Variants in MINDY2 observed in about 807,000 individuals in gnomAD.
MINDY2 encodes the protein MINDY lysine 48 deubiquitinase 2, also known as ubiquitin carboxyl-terminal hydrolase MINDY-2.
A neutral mutation model predicts 68.2 loss-of-function variants in MINDY2; 52 were observed. The ratio of observed to expected loss-of-function variants is 0.76; its 90% CI spans 0.61 to 0.96. The LOEUF (loss-of-function observed/expected upper bound fraction) is 0.96, where lower values mean the gene tolerates loss of function less well. Among genes scored for constraint, MINDY2 ranks in the 40% least tolerant of loss-of-function variants. MINDY2 has a pLI of 0.00. For missense variants in MINDY2, 881 were observed against 773.4 expected (o/e 1.14, Z -1.65); for synonymous variants, 372 against 303.0 (o/e 1.23, Z -2.36).
At chr15:58,805,268 G>A (rs1902939556) in intron 3 of MINDY2, among the ~76,000 whole-genome samples, 1 of 152,186 alleles carries the variant, frequency 6.6e-6, no homozygotes, top group Admixed American at 6.5e-5. Context: ...CTAAGCTAAT[G>A]TGTAATGTTC....
At chr15:58,803,239 G>GATGGGTCACTTGA (rs1902786046) in intron 3 of MINDY2, among the ~76,000 whole-genome samples, 1 of 151,868 alleles carries the variant, frequency 6.6e-6, no homozygotes, top group African/African-American at 2.4e-5. Context: ...GGCCGAGGTG[G>GATGGGTCACTTGA]GCAGATCACG....
At position 58,861,193 on chromosome 15, in the gene MINDY2, A is replaced by G. The variant is rs1165672458; in HGVS notation, c.*6583A>G. Reference sequence around the variant, plus strand: ...AAGTGGAATGGTATAATGACTACAGAGAAAATTATCTTGAAATATAGCAAG... The same window carrying G: ...AAGTGGAATGGTATAATGACTACAGGGAAAATTATCTTGAAATATAGCAAG... On this transcript the variant is annotated 3_prime_UTR_variant, in exon 9 of 9. Coordinates refer to ENST00000559228, the MANE Select transcript of MINDY2 (RefSeq NM_001040450.3). The G allele has an allele frequency of 6.6e-6, 1 of 152,224 alleles. No individual in the cohort carries two copies. Among genetic ancestry groups the G allele is most frequent in the Non-Finnish European group, 1.5e-5 (1 of 68,044 alleles). The allele number at this position is 152,224 out of a possible 1,614,324, so 9.4% of individuals were successfully genotyped here.
chr15:58,823,172 T>C (rs1254331470), intron 5 of MINDY2, among the ~76,000 whole-genome samples: 6 of 151,062 alleles, frequency 4.0e-5, no homozygotes, highest in African/African-American at 1.5e-4. Flanking sequence ...AGTTTCACTC[T>C]TGTTGCCCAG....
chr15:58,805,419 A>T (rs1183678931), intron 3 of MINDY2, among the ~76,000 whole-genome samples: 1 of 152,210 alleles, frequency 6.6e-6, no homozygotes, highest in African/African-American at 2.4e-5. Flanking sequence ...GTAAGCAAAG[A>T]GCCTATTTTT....
At chr15:58,840,823 ATTT>A (rs35724367) in intron 6 of MINDY2, among the ~76,000 whole-genome samples, 2 of 124,774 alleles carry the variant, frequency 1.6e-5, no homozygotes, top group Non-Finnish European at 1.7e-5. Context: ...TGCCCAGCTA[ATTT>A]TTTTTTTTTT....
chr15:58,772,792 T>C (rs1349361525), intron 1 of MINDY2, among the ~76,000 whole-genome samples: 1 of 152,190 alleles, frequency 6.6e-6, no homozygotes, highest in Non-Finnish European at 1.5e-5. Flanking sequence ...CCGTAACTTC[T>C]TGGTTTTCAA....
chr15:58,803,574 TG>T (rs1268448088), intron 3 of MINDY2, among the ~76,000 whole-genome samples: 1 of 152,052 alleles, frequency 6.6e-6, no homozygotes, highest in African/African-American at 2.4e-5. Flanking sequence ...CCCAGCACTT[TG>T]GGAGGCCAAG....
intron 1 of MINDY2, among the ~76,000 whole-genome samples, chr15:58,779,549 T>C (rs529631700): frequency 2.0e-5 from 3 of 152,342 alleles, no homozygotes; most frequent in South Asian, 2.1e-4. Context: ...GTGTGTTTAT[T>C]ACTTATAAAA....
Position 58,851,844 on chromosome 15 carries a change from G to C in MINDY2, c.1616G>C (p.Gly539Ala), listed in dbSNP as rs769535093. Reference protein sequence around the residue: ...QEINWEQIPEGISDLELAKKL... With the variant: ...QEINWEQIPEAISDLELAKKL... ...ATCAATTGGGAACAAATCCCGGAAGGAATCAGTGATTTGGAACTAGCAAAG... is the reference window on the plus strand; with the variant it reads ...ATCAATTGGGAACAAATCCCGGAAGCAATCAGTGATTTGGAACTAGCAAAG... The change falls in exon 8 of 9, where the codon GGA becomes GCA. Residue 539 changes from glycine (G) to alanine (A), a missense_variant. Transcript: ENST00000559228. The C allele has an allele frequency of 2.5e-6, 4 of 1,612,966 alleles. No homozygotes were observed. In the Admixed American group the frequency reaches 6.7e-5, roughly 27 times the overall value.
Position 58,780,323 on chromosome 15 carries a change from T to G in MINDY2, c.841-7583T>G, listed in dbSNP as rs758780006. On this transcript the variant is annotated intron_variant, in intron 1 of 8. Coordinates refer to ENST00000559228, the MANE Select transcript of MINDY2 (RefSeq NM_001040450.3). ...GGAGGCTGAGGCAGGAGAATCACTT[T>G]AACCTGGGAGGGAGGTTGCGGTGAG... is the stretch of plus-strand genomic sequence containing the variant. Among the ~76,000 whole-genome samples, 27 of 151,908 alleles carry G rather than the reference T, an allele frequency of 1.8e-4. 1 individual carries two copies. The highest frequency in any genetic ancestry group is 3.3e-4 in the Admixed American group (5 of 15,242).
rs148458856 is a variant in MINDY2, at chr15:58,779,288, A to T, written c.840+7053A>T. The stretch of plus-strand genomic sequence containing the variant: ...CAAAAGGCTGTTAACAGAAAATTCA[A>T]AGTTCGAATGGACGTATGCTATTGT... On this transcript the variant is annotated intron_variant, in intron 1 of 8. Coordinates refer to ENST00000559228, the MANE Select transcript of MINDY2 (RefSeq NM_001040450.3). Among the ~76,000 whole-genome samples, 7 of 152,324 alleles carry T rather than the reference A, an allele frequency of 4.6e-5. No homozygotes were observed. The East Asian group carries it at 5.8e-4, about 13-fold the overall frequency.
chr15:58,775,825 A>G (rs1268261324), intron 1 of MINDY2, among the ~76,000 whole-genome samples: 2 of 151,958 alleles, frequency 1.3e-5, no homozygotes, highest in African/African-American at 4.8e-5. Context: ...TTATGCTGTT[A>G]GAAGCATGGA....
chr15:58,780,763 GCTGGCCTTTC>G (rs1329459772), intron 1 of MINDY2, among the ~76,000 whole-genome samples: 2 of 152,100 alleles, frequency 1.3e-5, no homozygotes, highest in African/African-American at 4.8e-5. Flanking sequence ...AGGTGAATCA[GCTGGCCTTTC>G]CCATTGTAGT....
At chr15:58,846,508 G>A (rs930723099) in intron 6 of MINDY2, among the ~76,000 whole-genome samples, 2 of 150,262 alleles carry the variant, frequency 1.3e-5, no homozygotes, top group African/African-American at 2.5e-5. Context: ...CAGGAGAATC[G>A]CTTGAACCCA....
intron 5 of MINDY2, among the ~76,000 whole-genome samples, chr15:58,831,015 T>TTGTGTGTG (rs369645565): frequency 4.6e-4 from 61 of 133,758 alleles, no homozygotes; most frequent in African/African-American, 1.7e-3. Flanking sequence ...TGAAGATCAG[T>TTGTGTGTG]TGTGTGTGTG....
Position 58,772,120 on chromosome 15 carries a change from T to G in MINDY2, c.725T>G (p.Val242Gly), listed in dbSNP as rs1724941458. ...ASKERFPGQS[V>G]YHIKWIQWKE... ...AAGGAACGCTTCCCGGGACAATCTGTGTATCACATCAAGTGGATCCAGTGG... is the reference window on the plus strand; with the variant it reads ...AAGGAACGCTTCCCGGGACAATCTGGGTATCACATCAAGTGGATCCAGTGG... The change falls in exon 1 of 9, where the codon GTG becomes GGG. Residue 242 changes from valine to glycine, a missense_variant. Physicochemically the swap from Val to Gly is moderately radical, Grantham distance 109. Transcript: ENST00000559228. 6.2e-7 allele frequency: 1 copy of G among 1,614,070 alleles called. No homozygotes were observed. Among genetic ancestry groups the G allele is most frequent in the Non-Finnish European group, 8.5e-7 (1 of 1,179,980 alleles).
chr15:58,821,511 T>A (rs1307296617), intron 4 of MINDY2, among the ~76,000 whole-genome samples: 6 of 152,140 alleles, frequency 3.9e-5, no homozygotes, highest in Admixed American at 1.3e-4. Context: ...ATAATACAAC[T>A]GCAGTATTTT....
At chr15:58,840,253 A>G (rs2032210586) in intron 6 of MINDY2, among the ~76,000 whole-genome samples, 1 of 152,260 alleles carries the variant, frequency 6.6e-6, no homozygotes, top group East Asian at 1.9e-4. Flanking sequence ...CGAATATAGT[A>G]CAAACAATGA....
intron 6 of MINDY2, among the ~76,000 whole-genome samples, chr15:58,837,090 G>T (rs1432271379): frequency 2.6e-5 from 4 of 152,122 alleles, no homozygotes; most frequent in African/African-American, 4.8e-5. Flanking sequence ...TAGGGAAGGG[G>T]TTCTTCCAGC....
Sources: allele counts gnomAD v4.1 joint callset (sites outside exome capture counted in the v4.1 genomes callset), GRCh38; gene constraint gnomAD v4.1.1; transcripts MANE v1.5; gene names NCBI Gene and HGNC (gene_info 2026-07-23, HGNC 2026-07-21).